The following GALNT13 variants were observed in gnomAD, a reference collection of about 807,000 sequenced individuals.
GALNT13 encodes the protein polypeptide N-acetylgalactosaminyltransferase 13, also known as UDP-GalNAc:polypeptide N-acetylgalactosaminyltransferase 13.
GALNT13 carries 28 observed loss-of-function variants against 64.2 expected under a neutral mutation model. The observed-to-expected ratio is 0.44, with a 90% confidence interval of 0.32 to 0.60. The LOEUF is 0.60. Among genes scored for constraint, GALNT13 ranks in the 20% least tolerant of loss-of-function variants. GALNT13 has a pLI of 0.05. For missense variants in GALNT13, 577 were observed against 669.8 expected, an observed-to-expected ratio of 0.86 and a Z score of 1.53; for synonymous variants, 214 against 224.6, an observed-to-expected ratio of 0.95 and a Z score of 0.42.
intron 3 of GALNT13, among the ~76,000 whole-genome samples, chr2:154,077,848 AT>A (rs1180865667): frequency 6.6e-6 from 1 of 151,492 alleles, no homozygotes; most frequent in Non-Finnish European, 1.5e-5. Flanking sequence ...GTTACACAGC[AT>A]TTTTTTAAAA....
rs992525323 is a variant in GALNT13 at position 154,253,636 on chromosome 2, AT to A, written c.858-5384del. Reference sequence around the variant, plus strand: ...TCTCAAAGTATAACTAACCAAATAAATAAATAAAATACTATCAAACTCAACC... The same window carrying A: ...TCTCAAAGTATAACTAACCAAATAAAAAATAAAATACTATCAAACTCAACC... On this transcript the variant is annotated intron_variant, in intron 7 of 12. Coordinates refer to ENST00000392825, the MANE Select transcript of GALNT13 (RefSeq NM_052917.4). Among the ~76,000 whole-genome samples the A allele has an allele frequency of 7.9e-5, 12 of 152,310 alleles. No individual in the cohort carries two copies. The South Asian group carries it at 8.3e-4, about 11-fold the overall frequency.
At chr2:153,518,612 A>G in the GALNT13 span, among the ~76,000 whole-genome samples, 1 of 152,176 alleles carries the variant, frequency 6.6e-6, no homozygotes, top group African/African-American at 2.4e-5. Context: ...AAGGGTTTGT[A>G]TGAGTTCTTA....
At chr2:153,197,606 C>T in the GALNT13 span, among the ~76,000 whole-genome samples, 1 of 152,236 alleles carries the variant, frequency 6.6e-6, no homozygotes, top group Admixed American at 6.5e-5. Context: ...TGCAGACTGT[C>T]ATAAGCACAG....
At chr2:153,337,890 A>G in the GALNT13 span, 3 of 152,346 alleles carry the variant, frequency 2.0e-5, no homozygotes, top group East Asian at 1.9e-4. Flanking sequence ...AGTAGTCTAA[A>G]TAATACAAAA....
the GALNT13 span, among the ~76,000 whole-genome samples, chr2:153,156,517 C>A: frequency 6.6e-6 from 1 of 152,004 alleles, no homozygotes; most frequent in African/African-American, 2.4e-5. Flanking sequence ...TCTGGGTGGA[C>A]GATGAAAGTG....
At chr2:153,765,323 A>C in the GALNT13 span, among the ~76,000 whole-genome samples, 267 of 152,184 alleles carry the variant, frequency 1.8e-3, 1 homozygote, top group African/African-American at 6.0e-3. Flanking sequence ...TGGGAGCCCA[A>C]CTCTTGCACC....
intron 2 of GALNT13, among the ~76,000 whole-genome samples, chr2:153,907,600 T>G (rs1688665200): frequency 6.6e-6 from 1 of 151,976 alleles, no homozygotes; most frequent in African/African-American, 2.4e-5. Flanking sequence ...TTTCCCTTCT[T>G]TGTGTCCATG....
At chr2:154,062,191 GT>G (rs1700223530) in intron 3 of GALNT13, among the ~76,000 whole-genome samples, 1 of 152,028 alleles carries the variant, frequency 6.6e-6, no homozygotes, top group Admixed American at 6.5e-5. Context: ...AGAGTTTAGT[GT>G]TCTGAGTCAA....
At chr2:153,500,621 T>C in the GALNT13 span, among the ~76,000 whole-genome samples, 9 of 152,226 alleles carry the variant, frequency 5.9e-5, no homozygotes, top group Non-Finnish European at 1.2e-4. Context: ...GTCACAGGAA[T>C]AAGCAGGCTT....
chr2:154,172,850 A>G (rs1685438979), intron 4 of GALNT13, among the ~76,000 whole-genome samples: 1 of 152,064 alleles, frequency 6.6e-6, no homozygotes, highest in Non-Finnish European at 1.5e-5. Context: ...TAGATATTCT[A>G]TGCTCGTGGA....
the GALNT13 span, among the ~76,000 whole-genome samples, chr2:153,073,253 C>T: frequency 6.6e-6 from 1 of 151,916 alleles, no homozygotes; most frequent in African/African-American, 2.4e-5. Context: ...GTGGCTCCTC[C>T]TGTGTGGTTT....
chr2:154,343,062 G>A lies in GALNT13; in HGVS notation c.1156+41473G>A, dbSNP rs1366860088. Among the ~76,000 whole-genome samples, 3 of 151,844 alleles carry A rather than the reference G, an allele frequency of 2.0e-5. No individual in the cohort carries two copies. In the East Asian group the frequency reaches 5.8e-4, roughly 29 times the overall value. On this transcript the variant is annotated intron_variant, in intron 9 of 12. Transcript: ENST00000392825. ...GATCAGAGAGGTCAAAACATTATGA[G>A]AATACAAACTTGGGTGGATCTGGGT...
At chr2:153,397,542 G>T in the GALNT13 span, among the ~76,000 whole-genome samples, 2 of 151,844 alleles carry the variant, frequency 1.3e-5, no homozygotes, top group African/African-American at 4.8e-5. Context: ...TGATTTTTAG[G>T]CTCCAATATT....
the GALNT13 span, among the ~76,000 whole-genome samples, chr2:153,409,352 GTATATGTATATATTCATA>G: frequency 1.3e-5 from 2 of 148,394 alleles, no homozygotes; most frequent in South Asian, 4.2e-4. Flanking sequence ...ATATTCATAT[GTATATGTATATATTCATA>G]TGTGTGTATA....
the GALNT13 span, among the ~76,000 whole-genome samples, chr2:153,485,126 T>A: frequency 5.9e-5 from 9 of 152,226 alleles, no homozygotes; most frequent in African/African-American, 9.6e-5. Context: ...GGACTGTATA[T>A]CCTGCTTTGT....
chr2:153,801,183 T>C, the GALNT13 span, among the ~76,000 whole-genome samples: 1,315 of 152,276 alleles, frequency 8.6e-3, 9 homozygotes, highest in South Asian at 0.017. Flanking sequence ...TTCTTGATAT[T>C]AGCAAAAAGG....
At chr2:154,263,704 A>T (rs1392344676) in intron 8 of GALNT13, among the ~76,000 whole-genome samples, 1 of 152,198 alleles carries the variant, frequency 6.6e-6, no homozygotes, top group East Asian at 1.9e-4. Context: ...AATTACTGAC[A>T]TCTAAGAATC....
the GALNT13 span, among the ~76,000 whole-genome samples, chr2:153,816,831 T>C: frequency 6.6e-6 from 1 of 152,158 alleles, no homozygotes; most frequent in Admixed American, 6.5e-5. Context: ...AATGGTAATA[T>C]GTCACATCTC....
At chr2:153,257,243 G>T in the GALNT13 span, among the ~76,000 whole-genome samples, 1 of 152,152 alleles carries the variant, frequency 6.6e-6, no homozygotes, top group African/African-American at 2.4e-5. Context: ...CCCTTTGTTT[G>T]ACTAGGAAAG....
Sources: gnomAD v4.1 joint callset for allele counts (sites outside exome capture counted in the v4.1 genomes callset) on GRCh38, gnomAD v4.1.1 for gene constraint, MANE v1.5 for transcripts, NCBI Gene and HGNC (gene_info 2026-07-23, HGNC 2026-07-21) for gene names.